Variants in UNC13C observed in about 807,000 individuals in gnomAD.
The protein encoded by UNC13C is unc-13 homolog C.
UNC13C carries 174 observed loss-of-function variants against 245.4 expected under a neutral mutation model. The observed-to-expected ratio is 0.71, with a 90% CI of 0.63 to 0.80. The LOEUF (loss-of-function observed/expected upper bound fraction) is 0.80, where lower values mean the gene tolerates loss of function less well. Ranked by LOEUF, UNC13C falls within the 30% of genes least tolerant of loss-of-function variation. The probability of loss-of-function intolerance (pLI) is 0.00; values close to 1 mark genes in which losing one functional copy is unlikely to be tolerated. For missense variants in UNC13C, 2,829 were observed against 2,602.9 expected (o/e 1.09, Z -1.89); for synonymous variants, 992 against 895.1 (o/e 1.11, Z -1.93).
At position 54,015,689 on chromosome 15, in the gene UNC13C, T is replaced by C. The variant is rs2076145508; in HGVS notation, c.2786T>C (p.Met929Thr). 6.2e-7 allele frequency: 1 copy of C among 1,613,520 alleles called. No individual in the cohort carries two copies. The highest frequency in any genetic ancestry group is 1.7e-5 in the Admixed American group (1 of 59,926). The change falls in exon 2 of 33, where the codon ATG becomes ACG. Residue 929 changes from methionine (M) to threonine (T), a missense_variant. Physicochemically the swap from Met to Thr is moderately conservative, Grantham distance 81 (BLOSUM62 -1). Coordinates refer to ENST00000260323, the MANE Select transcript of UNC13C (RefSeq NM_001080534.3). Reference protein sequence around the residue: ...DEGYDGPADDMVSEEGLEPLN... With the variant: ...DEGYDGPADDTVSEEGLEPLN... ...GGTTATGATGGTCCAGCAGATGATA[T>C]GGTTAGTGAAGAGGGGTTAGAACCC...
At chr15:54,481,203 T>C (rs747458600) in intron 19 of UNC13C, among the ~76,000 whole-genome samples, 3 of 152,136 alleles carry the variant, frequency 2.0e-5, no homozygotes, top group Non-Finnish European at 4.4e-5. Context: ...GTGGATGGGA[T>C]GCTAGGCATG....
chr15:54,329,229 C>T (rs948478272), intron 14 of UNC13C, among the ~76,000 whole-genome samples: 2 of 151,344 alleles, frequency 1.3e-5, no homozygotes, highest in African/African-American at 2.4e-5. Flanking sequence ...ATGATAAAAT[C>T]GGAATAACTG....
chr15:54,621,102 A>G (rs1900771313), intron 30 of UNC13C, among the ~76,000 whole-genome samples: 1 of 152,188 alleles, frequency 6.6e-6, no homozygotes, highest in Non-Finnish European at 1.5e-5. Context: ...GAATTGCCTC[A>G]TCTCAGCAGG....
rs150621253 is a variant in UNC13C, at chr15:54,125,711, C to G, written c.2984-17307C>G. ...TCCTTAGTGTCAGATTTTGCTTTATCTATTTTGCAGCTTTTTATTTGGTAC... is the reference window on the plus strand; with the variant it reads ...TCCTTAGTGTCAGATTTTGCTTTATGTATTTTGCAGCTTTTTATTTGGTAC... On this transcript the variant is annotated intron_variant, in intron 2 of 32. Coordinates refer to ENST00000260323, the MANE Select transcript of UNC13C (RefSeq NM_001080534.3). Among the ~76,000 whole-genome samples the G allele has an allele frequency of 4.3e-4, 65 of 152,142 alleles. 1 individual carries two copies. The East Asian group carries it at 0.011, about 25-fold the overall frequency.
At chr15:54,040,054 T>C (rs79960019) in intron 2 of UNC13C, among the ~76,000 whole-genome samples, 3,924 of 152,060 alleles carry the variant, frequency 0.026, 163 homozygotes, top group African/African-American at 0.09. Context: ...CTTTACGCTC[T>C]TTCCTCATTA....
chr15:54,233,380 G>T (rs965066751), intron 4 of UNC13C, among the ~76,000 whole-genome samples: 1 of 152,030 alleles, frequency 6.6e-6, no homozygotes, highest in Non-Finnish European at 1.5e-5. Flanking sequence ...AATTAAGGGG[G>T]ACATTTAGTT....
chr15:54,359,744 T>C (rs1278111797), intron 17 of UNC13C, among the ~76,000 whole-genome samples: 2 of 151,928 alleles, frequency 1.3e-5, no homozygotes, highest in Non-Finnish European at 2.9e-5. Context: ...CTTCTCTCTT[T>C]TGTACTTACA....
chr15:54,264,226 A>G lies in UNC13C; in HGVS notation c.3507A>G (p.Thr1169=). ...GAEDKTQTII[T]AMKERMKIRE... ...AAGACAAGACTCAGACCATTATTAC[A>G]GCAATGAAAGAAAGAATGAAGATCA... Residue 1169 remains threonine (T), a synonymous_variant, in exon 9 of 33, where the codon ACA becomes ACG. Coordinates refer to ENST00000260323, the MANE Select transcript of UNC13C (RefSeq NM_001080534.3). 1 of 1,595,622 alleles carries G rather than the reference A, an allele frequency of 6.3e-7. No individual in the cohort carries two copies. Among genetic ancestry groups the G allele is most frequent in the Non-Finnish European group, 8.5e-7 (1 of 1,170,408 alleles).
the UNC13C span, among the ~76,000 whole-genome samples, chr15:53,898,661 T>G: frequency 6.6e-6 from 1 of 152,178 alleles, no homozygotes; most frequent in Non-Finnish European, 1.5e-5. Flanking sequence ...TGAGGTATAA[T>G]TGACAAAATG....
At chr15:53,999,437 C>T (rs28862444) in intron 1 of UNC13C, among the ~76,000 whole-genome samples, 1,598 of 151,824 alleles carry the variant, frequency 0.011, 29 homozygotes, top group African/African-American at 0.037. Flanking sequence ...TTCTCATTGT[C>T]GGTTTAATAT....
At chr15:53,914,204 T>A in the UNC13C span, 107,702 of 151,446 alleles carry the variant, frequency 0.71, 38,314 homozygotes, top group Admixed American at 0.76. Flanking sequence ...GCCTAGGGGG[T>A]GGAGTGTAAG....
At chr15:54,122,449 G>A (rs1420543809) in intron 2 of UNC13C, among the ~76,000 whole-genome samples, 4 of 151,928 alleles carry the variant, frequency 2.6e-5, no homozygotes, top group Admixed American at 6.6e-5. Context: ...ATGGTGAATT[G>A]TACCAATAGA....
intron 2 of UNC13C, among the ~76,000 whole-genome samples, chr15:54,061,048 C>T (rs1001576659): frequency 2.6e-5 from 4 of 151,302 alleles, no homozygotes; most frequent in African/African-American, 4.9e-5. Context: ...AGCACACCAA[C>T]GTGGCACATG....
intron 13 of UNC13C, among the ~76,000 whole-genome samples, chr15:54,306,133 C>T (rs747020576): frequency 6.6e-6 from 1 of 151,992 alleles, no homozygotes; most frequent in South Asian, 2.1e-4. Context: ...TAGGACTGAA[C>T]GTCCCAGTGC....
In UNC13C at chr15:54,627,359, T is replaced by C. The variant is rs1257465922; in HGVS notation, c.*246T>C. 2 of 328,604 alleles carry C rather than the reference T, an allele frequency of 6.1e-6. No homozygotes were observed. Among genetic ancestry groups the C allele is most frequent in the East Asian group, 4.8e-5 (1 of 20,812 alleles). 20.4% of individuals were successfully genotyped at this position (328,604 alleles called of 1,614,324 possible). ...TCAAGAACACCTTTTAACATGTTTA[T>C]TTTGTTTCTTTACCCATTTCACATT... On this transcript the variant is annotated 3_prime_UTR_variant, in exon 33 of 33. Coordinates refer to ENST00000260323, the MANE Select transcript of UNC13C (RefSeq NM_001080534.3).
At chr15:54,324,258 G>T (rs1374988348) in intron 14 of UNC13C, among the ~76,000 whole-genome samples, 1 of 151,934 alleles carries the variant, frequency 6.6e-6, no homozygotes, top group African/African-American at 2.4e-5. Context: ...TCACCTAACT[G>T]TTAAAGCTGA....
intron 4 of UNC13C, among the ~76,000 whole-genome samples, chr15:54,178,391 A>G (rs769949449): frequency 3.9e-5 from 6 of 152,158 alleles, no homozygotes; most frequent in Admixed American, 2.0e-4. Flanking sequence ...ATCGATGGAT[A>G]TTTAAGATGT....
At chr15:53,840,599 A>AAATGG in the UNC13C span, among the ~76,000 whole-genome samples, 6 of 152,156 alleles carry the variant, frequency 3.9e-5, no homozygotes, top group African/African-American at 1.4e-4. Context: ...AGTAAGCAGC[A>AAATGG]AATGGTTAAC....
chr15:54,349,966 G>A (rs925101492), intron 17 of UNC13C, among the ~76,000 whole-genome samples: 3 of 152,130 alleles, frequency 2.0e-5, no homozygotes, highest in Non-Finnish European at 4.4e-5. Flanking sequence ...GAAACATAAT[G>A]TTGTATATTA....
Sources: allele counts gnomAD v4.1 joint callset (sites outside exome capture counted in the v4.1 genomes callset), GRCh38; gene constraint gnomAD v4.1.1; transcripts MANE v1.5; gene names NCBI Gene and HGNC (gene_info 2026-07-23, HGNC 2026-07-21).